HNRNPUL1: variants seen among roughly 807,000 people sequenced by gnomAD.
The protein encoded by HNRNPUL1 is heterogeneous nuclear ribonucleoprotein U-like protein 1.
Under a neutral mutation model 108.5 loss-of-function variants are expected in HNRNPUL1, and 14 were observed. That is an observed-to-expected ratio of 0.13 (90% CI 0.09 to 0.20). HNRNPUL1 has a LOEUF of 0.20. HNRNPUL1 is among the 10% of genes least tolerant of loss of function. The pLI is 1.00. For synonymous variants in HNRNPUL1, 422 were observed against 445.2 expected, an observed-to-expected ratio of 0.95 and a Z score of 0.66; for missense variants, 804 against 1,168.3, an observed-to-expected ratio of 0.69 and a Z score of 4.55.
chr19:41,295,845 A>G (rs1189221277), intron 10 of HNRNPUL1, among the ~76,000 whole-genome samples: 1 of 152,214 alleles, frequency 6.6e-6, no homozygotes, highest in Non-Finnish European at 1.5e-5. Flanking sequence ...TCACATAGGA[A>G]TGAGGATCCT....
At chr19:41,266,623 G>A (rs2034864630) in intron 1 of HNRNPUL1, among the ~76,000 whole-genome samples, 1 of 152,090 alleles carries the variant, frequency 6.6e-6, no homozygotes, top group Non-Finnish European at 1.5e-5. Context: ...TGGGAAATGG[G>A]GGGACTGGAA....
intron 8 of HNRNPUL1, among the ~76,000 whole-genome samples, chr19:41,293,497 C>G (rs1045727472): frequency 6.6e-6 from 1 of 152,214 alleles, no homozygotes; most frequent in African/African-American, 2.4e-5. Context: ...AAACTCGCCA[C>G]TCCCCCCTAG....
At chr19:41,267,892 G>A (rs3816052) in intron 1 of HNRNPUL1, among the ~76,000 whole-genome samples, 33,610 of 152,114 alleles carry the variant, frequency 0.22, 4,377 homozygotes, top group East Asian at 0.34. Flanking sequence ...GTCATTACCT[G>A]TGTATCCTTT....
At chr19:41,285,455 T>C (rs2036166794) in intron 7 of HNRNPUL1, among the ~76,000 whole-genome samples, 1 of 152,136 alleles carries the variant, frequency 6.6e-6, no homozygotes, top group Non-Finnish European at 1.5e-5. Flanking sequence ...TCCGCCCTCC[T>C]TGACCTCCCA....
chr19:41,265,436 A>C, intron 1 of HNRNPUL1: 1 of 1,405,552 alleles, frequency 7.1e-7, no homozygotes. Flanking sequence ...GCTAGTGAGC[A>C]TTTAGGGGCT....
rs1050513468 is a variant in HNRNPUL1 at position 41,265,395 on chromosome 19, G to C, written c.295+597G>C. 6 of 1,505,196 alleles carry C rather than the reference G, an allele frequency of 4.0e-6. No homozygotes were observed. In the Admixed American group the frequency reaches 8.4e-5, roughly 21 times the overall value. 93.2% of individuals were successfully genotyped at this position (1,505,196 alleles called of 1,614,324 possible). ...GGCGCTGGTGTCTGTGGCTGGGGAGGGTCCTAATGGACTCAGTGCTTTGGA... is the reference window on the plus strand; with the variant it reads ...GGCGCTGGTGTCTGTGGCTGGGGAGCGTCCTAATGGACTCAGTGCTTTGGA... On this transcript the variant is annotated intron_variant, in intron 1 of 14. Transcript: ENST00000392006.
intron 7 of HNRNPUL1, among the ~76,000 whole-genome samples, chr19:41,291,420 T>A (rs1350175419): frequency 2.0e-5 from 3 of 152,170 alleles, no homozygotes; most frequent in Admixed American, 2.0e-4. Context: ...CTGCGGTGGC[T>A]TTCCTTCATC....
chr19:41,265,079 G>T, intron 1 of HNRNPUL1: 4 of 1,415,082 alleles, frequency 2.8e-6, no homozygotes, highest in Non-Finnish European at 3.7e-6. Flanking sequence ...ATCGGAGACC[G>T]GAAACTGCTT....
At chr19:41,286,903 A>G (rs1472764280) in intron 7 of HNRNPUL1, among the ~76,000 whole-genome samples, 1 of 151,302 alleles carries the variant, frequency 6.6e-6, no homozygotes, top group East Asian at 1.9e-4. Flanking sequence ...TTTTTAGTAG[A>G]GACGGGGTTT....
At chr19:41,274,114 T>C in intron 4 of HNRNPUL1, 59 bp downstream of exon 4, 1 of 1,391,600 alleles carries the variant, frequency 7.2e-7, no homozygotes, top group African/African-American at 1.4e-5. Flanking sequence ...GAAATTGTGG[T>C]CTTGACCTTC....
Position 41,288,648 on chromosome 19 carries a change from C to T in HNRNPUL1, c.1000-3597C>T, listed in dbSNP as rs184574680. ...CCATAATTGATTTAACCTAGCGCCT[C>T]CCTTTGGTGGACATGTCGTTACTTT... On this transcript the variant is annotated intron_variant, in intron 7 of 14. Coordinates refer to ENST00000392006, the MANE Select transcript of HNRNPUL1 (RefSeq NM_007040.6). 4.2e-4 allele frequency among the ~76,000 whole-genome samples: 64 copies of T among 152,244 alleles called. No individual in the cohort carries two copies. In the Middle Eastern group the frequency reaches 0.014, roughly 32 times the overall value.
At position 41,303,863 on chromosome 19, in the gene HNRNPUL1, T is replaced by A. The variant is rs544425235; in HGVS notation, c.1973-109T>A. 209 of 1,353,044 alleles carry A rather than the reference T, an allele frequency of 1.5e-4. 1 individual carries two copies. Among genetic ancestry groups the A allele is most frequent in the Non-Finnish European group, 2.0e-4 (194 of 984,828 alleles). The allele number at this position is 1,353,044 out of a possible 1,614,324, so 83.8% of individuals were successfully genotyped here. A position where few individuals can be genotyped will look rare whatever the true frequency, so the allele number is the denominator to read the frequency against. ...TGCTTTGTTGTTCACCTTGAGTTCT[T>A]GCTCTGCGCCTGGCCATGCCGGCTC... On this transcript the variant is annotated intron_variant, in intron 12 of 14. Coordinates refer to ENST00000392006, the MANE Select transcript of HNRNPUL1 (RefSeq NM_007040.6).
In HNRNPUL1 at chr19:41,294,483, C is replaced by A; in HGVS notation, c.1389+23C>A. The A allele has an allele frequency of 1.2e-6, 2 of 1,614,096 alleles. No homozygotes were observed. Among genetic ancestry groups the A allele is most frequent in the Non-Finnish European group, 1.7e-6 (2 of 1,179,996 alleles). On this transcript the variant is annotated intron_variant, in intron 9 of 14. Coordinates refer to ENST00000392006, the MANE Select transcript of HNRNPUL1 (RefSeq NM_007040.6). This position sits in a 1 kb window ranked among gnomAD's most constrained non-coding sequence, Gnocchi z 4.3. ...CGGGTAAGGCCAGCCACTGGACTCT[C>A]CTTACTCACCTCCAACCTACTGAGT...
At chr19:41,264,324 G>C, upstream of HNRNPUL1, 1 of 486,350 alleles carries the variant, frequency 2.1e-6, no homozygotes, top group Non-Finnish European at 3.3e-6. Flanking sequence ...TGGCACTCAT[G>C]TAACATCGGA....
At chr19:41,293,863 T>G (rs1346091539) in intron 8 of HNRNPUL1, among the ~76,000 whole-genome samples, 1 of 152,030 alleles carries the variant, frequency 6.6e-6, no homozygotes, top group Non-Finnish European at 1.5e-5. Flanking sequence ...AAAGATTAGC[T>G]GGGTGTGATG....
chr19:41,269,758 G>A (rs2035100422), intron 2 of HNRNPUL1, among the ~76,000 whole-genome samples: 1 of 152,026 alleles, frequency 6.6e-6, no homozygotes, highest in Non-Finnish European at 1.5e-5. Context: ...AGCTATGATC[G>A]TGCACGGCAC....
At chr19:41,271,746 A>G (rs942281813) in intron 2 of HNRNPUL1, among the ~76,000 whole-genome samples, 1 of 152,210 alleles carries the variant, frequency 6.6e-6, no homozygotes, top group Non-Finnish European at 1.5e-5. Flanking sequence ...AAGCCCGTAG[A>G]GTTAGCTGCA....
At chr19:41,289,675 GCTAA>G (rs1192410133) in intron 7 of HNRNPUL1, among the ~76,000 whole-genome samples, 1 of 151,396 alleles carries the variant, frequency 6.6e-6, no homozygotes, top group African/African-American at 2.4e-5. Context: ...CATAAGGAAG[GCTAA>G]CTAACACCAA....
chr19:41,289,991 G>A (rs1038885779), intron 7 of HNRNPUL1, among the ~76,000 whole-genome samples: 5 of 151,850 alleles, frequency 3.3e-5, no homozygotes, highest in Admixed American at 6.6e-5. Flanking sequence ...GATTACAGGC[G>A]TGAACCACCA....
Sources: allele counts gnomAD v4.1 joint callset (sites outside exome capture counted in the v4.1 genomes callset), GRCh38; gene constraint gnomAD v4.1.1; non-coding constraint Gnocchi (gnomAD v3.1); transcripts MANE v1.5; gene names NCBI Gene and HGNC (gene_info 2026-07-23, HGNC 2026-07-21).